CTNNA2: variants seen among roughly 807,000 people sequenced by gnomAD.
CTNNA2 encodes catenin alpha 2.
Under a neutral mutation model 101.0 loss-of-function variants are expected in CTNNA2, and 42 were observed. That is an observed-to-expected ratio of 0.42 (90% CI 0.32 to 0.54). The LOEUF (loss-of-function observed/expected upper bound fraction) is 0.54. Ranked by LOEUF, CTNNA2 falls within the 20% of genes least tolerant of loss-of-function variation. CTNNA2 has a pLI of 0.14. For missense variants in CTNNA2, 871 were observed against 1,223.1 expected, an observed-to-expected ratio of 0.71 and a Z score of 4.29; for synonymous variants, 450 against 456.4, an observed-to-expected ratio of 0.99 and a Z score of 0.18.
At chr2:79,513,561 TC>T (rs1253958300) in intron 1 of CTNNA2, among the ~76,000 whole-genome samples, 1 of 152,082 alleles carries the variant, frequency 6.6e-6, no homozygotes, top group Non-Finnish European at 1.5e-5. Flanking sequence ...GCTACAACTG[TC>T]CGGATTCAGG....
chr2:79,878,488 T>C (rs1303743641), intron 6 of CTNNA2, among the ~76,000 whole-genome samples: 1 of 152,012 alleles, frequency 6.6e-6, no homozygotes, highest in Non-Finnish European at 1.5e-5. Context: ...ATTGCATCTA[T>C]AGCATCTATC....
intron 7 of CTNNA2, among the ~76,000 whole-genome samples, chr2:80,115,030 A>G (rs569379578): frequency 5.4e-4 from 82 of 152,312 alleles, no homozygotes; most frequent in Middle Eastern, 3.4e-3. Context: ...AGCAGCCTGC[A>G]AAAGTGAAGG....
intron 4 of CTNNA2, among the ~76,000 whole-genome samples, chr2:79,458,292 A>G (rs1414091737): frequency 6.6e-6 from 1 of 152,214 alleles, no homozygotes; most frequent in Non-Finnish European, 1.5e-5. Flanking sequence ...TTTATTTCTT[A>G]TAAGAGTCAT....
intron 7 of CTNNA2, among the ~76,000 whole-genome samples, chr2:80,154,747 C>T (rs1377329523): frequency 2.0e-5 from 3 of 152,220 alleles, no homozygotes; most frequent in African/African-American, 7.2e-5. Flanking sequence ...TATGTGTCTC[C>T]TCCACTTATC....
At chr2:80,580,690 C>T (rs1695452077) in intron 13 of CTNNA2, among the ~76,000 whole-genome samples, 1 of 152,076 alleles carries the variant, frequency 6.6e-6, no homozygotes, top group African/African-American at 2.4e-5. Flanking sequence ...ATTTCATAAA[C>T]TTTGTTGAAT....
chr2:80,589,379 A>C lies in CTNNA2; in HGVS notation c.2083A>C (p.Ser695Arg). The C allele has an allele frequency of 6.2e-7, 1 of 1,614,132 alleles. No homozygotes were observed. The highest frequency in any genetic ancestry group is 8.5e-7 in the Non-Finnish European group (1 of 1,180,000). ...EQVEIFHQEK[S>R]KLDAEVAKWD... ...GGTGGAGATATTCCATCAAGAGAAA[A>C]GCAAGCTGGATGCAGAAGTGGCCAA... Residue 695 changes from serine to arginine, a missense_variant, in exon 15 of 19, where the codon AGC (serine) becomes CGC (arginine). By Grantham distance (110) the Ser-to-Arg change is moderately radical. This residue lies in a region of CTNNA2 where 93 missense variants were observed against 223.7 expected (regional missense o/e 0.42). Transcript: ENST00000402739.
At chr2:79,224,419 C>T (rs1223685480) in intron 2 of CTNNA2, among the ~76,000 whole-genome samples, 2 of 152,054 alleles carry the variant, frequency 1.3e-5, no homozygotes, top group South Asian at 2.1e-4. Flanking sequence ...ACCCAGGTTC[C>T]ACAATTAAGT....
At chr2:79,544,033 G>T (rs1218588020) in intron 1 of CTNNA2, among the ~76,000 whole-genome samples, 1 of 151,968 alleles carries the variant, frequency 6.6e-6, no homozygotes, top group Non-Finnish European at 1.5e-5. Flanking sequence ...CTGCCTCCTG[G>T]GTTCAAGAGA....
intron 18 of CTNNA2, among the ~76,000 whole-genome samples, chr2:80,628,065 A>G (rs1671870219): frequency 1.3e-5 from 2 of 152,150 alleles, no homozygotes; most frequent in Admixed American, 1.3e-4. Context: ...AGGGATATAA[A>G]GGACCTCTTC....
intron 2 of CTNNA2, among the ~76,000 whole-genome samples, chr2:79,297,725 A>G (rs190863464): frequency 1.3e-5 from 2 of 152,146 alleles, no homozygotes; most frequent in Admixed American, 1.3e-4. Context: ...CTTTAACTCT[A>G]TCAAGACAAA....
chr2:80,490,782 G>A (rs960536451), intron 9 of CTNNA2, among the ~76,000 whole-genome samples: 1 of 152,050 alleles, frequency 6.6e-6, no homozygotes, highest in African/African-American at 2.4e-5. Flanking sequence ...TTTTCTTGCT[G>A]CTAACCTGAT....
At chr2:80,123,945 C>T (rs1013139415) in intron 7 of CTNNA2, among the ~76,000 whole-genome samples, 3 of 152,106 alleles carry the variant, frequency 2.0e-5, no homozygotes, top group African/African-American at 7.2e-5. Flanking sequence ...TGCATTTGGG[C>T]CCTGACCAAG....
intron 1 of CTNNA2, among the ~76,000 whole-genome samples, chr2:79,567,306 A>C (rs1447112584): frequency 6.6e-6 from 1 of 151,004 alleles, no homozygotes; most frequent in Non-Finnish European, 1.5e-5. Context: ...AAAAGATGGA[A>C]TTTTCCTTGA....
At chr2:80,474,113 G>C (rs1055728656) in intron 9 of CTNNA2, among the ~76,000 whole-genome samples, 1 of 152,222 alleles carries the variant, frequency 6.6e-6, no homozygotes, top group African/African-American at 2.4e-5. Flanking sequence ...AACAGTTTTT[G>C]TTTCTTAATG....
intron 7 of CTNNA2, among the ~76,000 whole-genome samples, chr2:80,310,530 A>G (rs888857510): frequency 2.6e-5 from 4 of 152,176 alleles, no homozygotes; most frequent in African/African-American, 9.7e-5. Context: ...CCCTTCACAC[A>G]TACAATTTTG....
chr2:80,474,064 C>T (rs1685523723), intron 9 of CTNNA2, among the ~76,000 whole-genome samples: 1 of 152,210 alleles, frequency 6.6e-6, no homozygotes, highest in African/African-American at 2.4e-5. Context: ...TTCACTCTTG[C>T]TTCCTGACGC....
chr2:79,881,562 T>C (rs909380165), intron 6 of CTNNA2, among the ~76,000 whole-genome samples: 4 of 152,170 alleles, frequency 2.6e-5, no homozygotes, highest in Non-Finnish European at 4.4e-5. Flanking sequence ...TTCACCATTA[T>C]GTAATGCCCT....
intron 1 of CTNNA2, among the ~76,000 whole-genome samples, chr2:79,579,044 C>G (rs1304469772): frequency 6.6e-6 from 1 of 151,632 alleles, no homozygotes; most frequent in African/African-American, 2.4e-5. Context: ...TCCTTTCTTC[C>G]TTCCTTTTTT....
intron 2 of CTNNA2, among the ~76,000 whole-genome samples, chr2:79,241,789 T>C (rs1015244195): frequency 6.6e-6 from 1 of 152,254 alleles, no homozygotes. Context: ...AGCAGATTTT[T>C]ACATAGGGTG....
Sources: gnomAD v4.1 joint callset for allele counts (sites outside exome capture counted in the v4.1 genomes callset) on GRCh38, gnomAD v4.1.1 for gene constraint, gnomAD v4.1.1 regional missense constraint, MANE v1.5 for transcripts, NCBI Gene and HGNC (gene_info 2026-07-23, HGNC 2026-07-21) for gene names.